Variants in SYNPO observed in about 807,000 individuals in gnomAD.
SYNPO encodes synaptopodin.
A neutral mutation model predicts 49.5 loss-of-function variants in SYNPO; 19 were observed. The ratio of observed to expected loss-of-function variants is 0.38; its 90% CI spans 0.27 to 0.56. SYNPO has a LOEUF of 0.56. Among genes scored for constraint, SYNPO ranks in the 20% least tolerant of loss-of-function variants. The pLI is 0.68. For synonymous variants in SYNPO, 536 were observed against 548.0 expected (o/e 0.98, Z 0.31); for missense variants, 1,131 against 1,248.3 (o/e 0.91, Z 1.42).
At chr5:150,638,713 A>G (rs968877589), upstream of SYNPO, among the ~76,000 whole-genome samples, 1 of 152,190 alleles carries the variant, frequency 6.6e-6, no homozygotes, top group Non-Finnish European at 1.5e-5. Flanking sequence ...GGACCCGCAG[A>G]TGACCTAGGC....
chr5:150,608,056 C>T (rs1047649948), intron 1 of SYNPO, among the ~76,000 whole-genome samples: 1 of 152,250 alleles, frequency 6.6e-6, no homozygotes, highest in Admixed American at 6.5e-5. Context: ...ACTATATTTC[C>T]TTTCGAGGCA....
rs866518214 is a variant in SYNPO, at chr5:150,656,762, C to T, written c.2387C>T (p.Pro796Leu). 1.4e-4 allele frequency: 169 copies of T among 1,221,056 alleles called. 1 individual carries two copies. The Middle Eastern group carries it at 7.7e-3, about 56-fold the overall frequency. The allele number at this position is 1,221,056 out of a possible 1,614,324, so 75.6% of individuals were successfully genotyped here. ...GCGCCACCGCCCCCGCCCCCGCCCC[C>T]GCCCCCGCCCCCGCGCATGCGCTCG... ...PRAPPPPPPP[P>L]PPPPRMRSPQ... Residue 796 changes from proline to leucine, a missense_variant, in exon 3 of 3, where the codon CCG becomes CTG. Transcript: ENST00000307662.
At chr5:150,628,036 C>CTGTGTGTG (rs3062926) in intron 2 of SYNPO, among the ~76,000 whole-genome samples, 2,698 of 142,012 alleles carry the variant, frequency 0.019, 44 homozygotes, top group Middle Eastern at 0.039. Flanking sequence ...GTGTGTGTTT[C>CTGTGTGTG]TGTGTGTGTG....
Position 150,656,745 on chromosome 5 carries a change from G to GCCGCC in SYNPO, c.2372_2373insGCCCC (p.Pro794ArgfsTer147). The GCCGCC allele has an allele frequency of 9.9e-7, 1 of 1,010,546 alleles. No homozygotes were observed. The highest frequency in any genetic ancestry group is 1.2e-6 in the Non-Finnish European group (1 of 839,858). 62.6% of individuals were successfully genotyped at this position (1,010,546 alleles called of 1,614,324 possible). ...CCTTCTCCCCGCCGAGGGCGCCACCGCCCCCGCCCCCGCCCCCGCCCCCGC... is the reference window on the plus strand; with the variant it reads ...CCTTCTCCCCGCCGAGGGCGCCACCGCCGCCCCCCCGCCCCCGCCCCCGCCCCCGC... On this transcript the variant is annotated frameshift_variant, in exon 3 of 3. Transcript: ENST00000307662. LOFTEE classifies it low-confidence loss of function (END_TRUNC).
In SYNPO at chr5:150,649,103, T is replaced by C; in HGVS notation, c.828T>C (p.Ser276=). 7 of 1,613,628 alleles carry C rather than the reference T, an allele frequency of 4.3e-6. No homozygotes were observed. Among genetic ancestry groups the C allele is most frequent in the Non-Finnish European group, 5.9e-6 (7 of 1,179,756 alleles). Reference sequence around the variant, plus strand: ...AGGCCCCGGCTCCCCAGCCCCCCAGTTTGCCAGACAGGAGCCCCCGGCCAC... The same window carrying C: ...AGGCCCCGGCTCCCCAGCCCCCCAGCTTGCCAGACAGGAGCCCCCGGCCAC... ...GEKAPAPQPP[S]LPDRSPRPQR... The change falls in exon 2 of 3, where the codon AGT becomes AGC. Residue 276 remains serine, a synonymous_variant. Transcript: ENST00000307662.
At chr5:150,626,979 T>C (rs1757378504) in intron 2 of SYNPO, among the ~76,000 whole-genome samples, 1 of 152,166 alleles carries the variant, frequency 6.6e-6, no homozygotes, top group Non-Finnish European at 1.5e-5. Context: ...TGTGTCTTCC[T>C]GAGCCCACGT....
chr5:150,636,462 G>A (rs548639566), upstream of SYNPO, among the ~76,000 whole-genome samples: 1 of 152,290 alleles, frequency 6.6e-6, no homozygotes, highest in East Asian at 1.9e-4. Context: ...GCCCCAAGAG[G>A]GTCAGGGATC....
chr5:150,622,295 G>A (rs959561690), intron 2 of SYNPO, among the ~76,000 whole-genome samples: 4 of 152,172 alleles, frequency 2.6e-5, no homozygotes, highest in African/African-American at 9.7e-5. Context: ...AGGAGGTCTG[G>A]GCCCATGCTT....
chr5:150,597,524 A>C (rs910058455), upstream of SYNPO, among the ~76,000 whole-genome samples: 7 of 151,742 alleles, frequency 4.6e-5, no homozygotes, highest in Non-Finnish European at 8.8e-5. Flanking sequence ...AGTAGAGACA[A>C]GGTTTCTCCA....
At chr5:150,651,749 C>T (rs1357035719) in intron 2 of SYNPO, 1 of 1,000,454 alleles carries the variant, frequency 1.0e-6, no homozygotes, top group Non-Finnish European at 1.2e-6. Context: ...TTCTAACAGA[C>T]CAACTGCATG....
the SYNPO span, among the ~76,000 whole-genome samples, chr5:150,592,987 A>G: frequency 6.6e-6 from 1 of 152,198 alleles, no homozygotes; most frequent in Admixed American, 6.5e-5. Flanking sequence ...CTGAACAGAA[A>G]CCTGCCTTCC....
chr5:150,586,027 G>A, the SYNPO span, among the ~76,000 whole-genome samples: 3 of 152,252 alleles, frequency 2.0e-5, no homozygotes, highest in Admixed American at 6.5e-5. Context: ...CCAGGGGCCG[G>A]CACAAGTACC....
In SYNPO at chr5:150,657,798, G is replaced by A. The variant is rs1758631104; in HGVS notation, c.*711G>A. On this transcript the variant is annotated 3_prime_UTR_variant, in exon 3 of 3. Coordinates refer to ENST00000307662, the MANE Select transcript of SYNPO (RefSeq NM_007286.6). Reference sequence around the variant, plus strand: ...TATCCCCTCTGGAGGGAAGAGGCAGGAAAATTCTCCCCGGGTCCCTGTCAT... The same window carrying A: ...TATCCCCTCTGGAGGGAAGAGGCAGAAAAATTCTCCCCGGGTCCCTGTCAT... The A allele has an allele frequency of 6.6e-6, 1 of 152,602 alleles. No individual in the cohort carries two copies. Among genetic ancestry groups the A allele is most frequent in the South Asian group, 2.1e-4 (1 of 4,836 alleles). The allele number at this position is 152,602 out of a possible 1,614,324, so 9.5% of individuals were successfully genotyped here. A position where few individuals can be genotyped will look rare whatever the true frequency, so the allele number is the denominator to read the frequency against.
intron 2 of SYNPO, among the ~76,000 whole-genome samples, chr5:150,619,175 C>T (rs1286043817): frequency 6.6e-6 from 1 of 152,086 alleles, no homozygotes; most frequent in Non-Finnish European, 1.5e-5. Context: ...CGTGGGGGTG[C>T]TGGGGACGCG....
At chr5:150,650,503 C>A in intron 2 of SYNPO, 200 bp downstream of exon 2, 1 of 1,484,510 alleles carries the variant, frequency 6.7e-7, no homozygotes, top group Non-Finnish European at 9.0e-7. Flanking sequence ...AGTCGCCTCC[C>A]CTCTCTGAGC....
intron 2 of SYNPO, 131 bp downstream of exon 2, chr5:150,650,434 T>C: frequency 6.5e-7 from 1 of 1,548,242 alleles, no homozygotes; most frequent in South Asian, 1.2e-5. Flanking sequence ...GTGAGGAGAA[T>C]GGGGAGTCCA....
Position 150,657,215 on chromosome 5 carries a change from G to C in SYNPO, c.*128G>C. ...AGGGGTCAGCAGAGGAGAGCTCTGG[G>C]GTTGGGGATGGGTTAGGGACGCAAG... On this transcript the variant is annotated 3_prime_UTR_variant, in exon 3 of 3. Transcript: ENST00000307662. The C allele has an allele frequency of 9.3e-7, 1 of 1,073,942 alleles. No homozygotes were observed. The highest frequency in any genetic ancestry group is 1.3e-6 in the Non-Finnish European group (1 of 766,400). 66.5% of individuals were successfully genotyped at this position (1,073,942 alleles called of 1,614,324 possible).
Position 150,649,849 on chromosome 5 carries a change from C to T in SYNPO, c.1574C>T (p.Ala525Val). ...LPSSWKYPTN[A>V]PGAFRVASRS... ...TCCTCCTGGAAATACCCCACTAACG[C>T]CCCCGGGGCCTTCCGAGTGGCATCC... Residue 525 changes from alanine to valine, a missense_variant, in exon 2 of 3, where the codon GCC becomes GTC. Coordinates refer to ENST00000307662, the MANE Select transcript of SYNPO (RefSeq NM_007286.6). 6.2e-7 allele frequency: 1 copy of T among 1,608,850 alleles called. No individual in the cohort carries two copies. The highest frequency in any genetic ancestry group is 8.5e-7 in the Non-Finnish European group (1 of 1,179,984).
chr5:150,601,223 C>T (rs558247108), intron 1 of SYNPO: 1 of 152,616 alleles, frequency 6.6e-6, no homozygotes, highest in East Asian at 1.9e-4. Flanking sequence ...AGAACAGGGC[C>T]TTCCAGGGGA....
Sources: allele counts gnomAD v4.1 joint callset (sites outside exome capture counted in the v4.1 genomes callset), GRCh38; gene constraint gnomAD v4.1.1; transcripts MANE v1.5; gene names NCBI Gene and HGNC (gene_info 2026-07-23, HGNC 2026-07-21).